TNNI3K: variants seen among roughly 807,000 people sequenced by gnomAD.
The protein encoded by TNNI3K is TNNI3 interacting kinase.
A neutral mutation model predicts 114.5 loss-of-function variants in TNNI3K; 140 were observed. The ratio of observed to expected loss-of-function variants is 1.22; its 90% CI spans 1.07 to 1.41. The LOEUF (loss-of-function observed/expected upper bound fraction) is 1.41, where lower values mean the gene tolerates loss of function less well. Among genes scored for constraint, TNNI3K ranks in the 40% most tolerant of loss-of-function variants. The probability of loss-of-function intolerance (pLI) is 0.00; values close to 1 mark genes in which losing one functional copy is unlikely to be tolerated. For missense variants in TNNI3K, 1,125 were observed against 1,007.6 expected (o/e 1.12, Z -1.58); for synonymous variants, 347 against 347.5 (o/e 1.00, Z 0.02).
intron 5 of TNNI3K, among the ~76,000 whole-genome samples, chr1:74,272,542 T>C (rs1656414627): frequency 6.6e-6 from 1 of 151,790 alleles, no homozygotes; most frequent in African/African-American, 2.4e-5. Flanking sequence ...CTAAAAAGGC[T>C]GGGTGTGTTT....
intron 9 of TNNI3K, among the ~76,000 whole-genome samples, chr1:74,348,648 T>A (rs918005632): frequency 6.6e-6 from 1 of 152,206 alleles, no homozygotes; most frequent in African/African-American, 2.4e-5. Context: ...TATTCTTCCA[T>A]TTCTTTGTAT....
In TNNI3K at chr1:74,369,210, C is replaced by A. The variant is rs765252624; in HGVS notation, c.1418C>A (p.Ser473Tyr). 9 of 1,609,772 alleles carry A rather than the reference C, an allele frequency of 5.6e-6. No homozygotes were observed. The highest frequency in any genetic ancestry group is 1.1e-5 in the South Asian group (1 of 90,254). ...TATTTATTTTAAACAATTGTAGGTTCTTTTGGGAAAGTATATAAAGGACGA... is the reference window on the plus strand; with the variant it reads ...TATTTATTTTAAACAATTGTAGGTTATTTTGGGAAAGTATATAAAGGACGA... ...IEFHEIIGSG[S>Y]FGKVYKGRCR... Residue 473 changes from serine to tyrosine, a missense_variant, in exon 15 of 25, where the codon TCT (serine) becomes TAT (tyrosine). Ser to Tyr is a moderately radical substitution (Grantham distance 144). Coordinates refer to ENST00000326637, the MANE Select transcript of TNNI3K (RefSeq NM_015978.3).
intron 5 of TNNI3K, among the ~76,000 whole-genome samples, chr1:74,280,096 C>T (rs927961719): frequency 6.6e-6 from 1 of 152,074 alleles, no homozygotes; most frequent in Non-Finnish European, 1.5e-5. Flanking sequence ...AAAAGAGGCA[C>T]TGAAGGCTGG....
chr1:74,245,357 C>T (rs1221746915), intron 2 of TNNI3K, among the ~76,000 whole-genome samples: 5 of 152,046 alleles, frequency 3.3e-5, no homozygotes, highest in African/African-American at 1.2e-4. Context: ...GAACAAAGAC[C>T]ATTGCCCCAG....
chr1:74,462,605 T>A (rs1486038556), intron 20 of TNNI3K, among the ~76,000 whole-genome samples: 1 of 152,112 alleles, frequency 6.6e-6, no homozygotes, highest in African/African-American at 2.4e-5. Context: ...CTTTGCATGG[T>A]GGTTAGGAGG....
intron 23 of TNNI3K, among the ~76,000 whole-genome samples, chr1:74,535,697 T>A (rs2100453917): frequency 6.6e-6 from 1 of 152,252 alleles, no homozygotes; most frequent in Non-Finnish European, 1.5e-5. Context: ...AAATGCAGCA[T>A]TTTGTTTTAA....
intron 4 of TNNI3K, among the ~76,000 whole-genome samples, chr1:74,253,479 C>T (rs1476403102): frequency 6.6e-6 from 1 of 152,102 alleles, no homozygotes; most frequent in East Asian, 1.9e-4. Flanking sequence ...GGTCCTGAGC[C>T]CTGCCGCACG....
At chr1:74,503,986 A>G (rs1169231552) in intron 23 of TNNI3K, among the ~76,000 whole-genome samples, 1 of 152,184 alleles carries the variant, frequency 6.6e-6, no homozygotes, top group African/African-American at 2.4e-5. Flanking sequence ...CAAAGTTAAA[A>G]CTATCTCCAT....
At chr1:74,303,126 C>T (rs1308118588) in intron 5 of TNNI3K, among the ~76,000 whole-genome samples, 1 of 152,130 alleles carries the variant, frequency 6.6e-6, no homozygotes, top group Non-Finnish European at 1.5e-5. Flanking sequence ...TGCCCATGCT[C>T]TATGAATGGA....
At chr1:74,481,031 T>A (rs983513748) in intron 21 of TNNI3K, 4 of 638,810 alleles carry the variant, frequency 6.3e-6, no homozygotes, top group African/African-American at 1.8e-5. Flanking sequence ...GGGGGTATGG[T>A]GGAGAGCAGA....
chr1:74,255,753 A>G (rs1655247720), intron 4 of TNNI3K, among the ~76,000 whole-genome samples: 1 of 152,212 alleles, frequency 6.6e-6, no homozygotes, highest in Admixed American at 6.5e-5. Flanking sequence ...TTTCTACTAT[A>G]CCAAAAAGTT....
At chr1:74,495,445 AAAAAATT>A (rs1368323140) in intron 23 of TNNI3K, among the ~76,000 whole-genome samples, 2 of 152,218 alleles carry the variant, frequency 1.3e-5, no homozygotes, top group African/African-American at 4.8e-5. Context: ...GATAAAGAAT[AAAAAATT>A]GGATAAATTG....
intron 7 of TNNI3K, among the ~76,000 whole-genome samples, chr1:74,341,297 A>T (rs1485890199): frequency 6.6e-6 from 1 of 152,176 alleles, no homozygotes; most frequent in African/African-American, 2.4e-5. Context: ...GACACAGCAA[A>T]TTTCTAAGAT....
At chr1:74,373,322 G>T (rs1662710600) in intron 17 of TNNI3K, 1 of 152,020 alleles carries the variant, frequency 6.6e-6, no homozygotes, top group African/African-American at 2.4e-5. Flanking sequence ...TGAAGAACAG[G>T]CATTAATCTT....
At chr1:74,383,444 T>A (rs1054383290) in intron 17 of TNNI3K, among the ~76,000 whole-genome samples, 4 of 152,096 alleles carry the variant, frequency 2.6e-5, no homozygotes, top group Admixed American at 2.6e-4. Context: ...ACCTCTCTCT[T>A]CTCTGTGCCC....
At chr1:74,408,849 T>G (rs1035508109) in intron 17 of TNNI3K, among the ~76,000 whole-genome samples, 1 of 152,194 alleles carries the variant, frequency 6.6e-6, no homozygotes, top group Non-Finnish European at 1.5e-5. Context: ...TAGGTCTGTA[T>G]AAGACATTTT....
chr1:74,362,535 T>G (rs535991726), intron 11 of TNNI3K, among the ~76,000 whole-genome samples: 1 of 152,138 alleles, frequency 6.6e-6, no homozygotes. Context: ...TCAGCTTTCA[T>G]TGTTTTTAAG....
intron 5 of TNNI3K, among the ~76,000 whole-genome samples, chr1:74,298,161 A>T (rs947923543): frequency 4.6e-5 from 7 of 152,154 alleles, no homozygotes; most frequent in African/African-American, 1.2e-4. Flanking sequence ...CTAACTAAAG[A>T]TATCATTTAT....
At chr1:74,437,191 CTTTCT>C (rs2100664771) in intron 19 of TNNI3K, among the ~76,000 whole-genome samples, 1 of 152,124 alleles carries the variant, frequency 6.6e-6, no homozygotes, top group Admixed American at 6.6e-5. Flanking sequence ...CTGGATGTCT[CTTTCT>C]TTTCTTTAAG....
Sources: allele counts gnomAD v4.1 joint callset (sites outside exome capture counted in the v4.1 genomes callset), GRCh38; gene constraint gnomAD v4.1.1; transcripts MANE v1.5; gene names NCBI Gene and HGNC (gene_info 2026-07-23, HGNC 2026-07-21).